The following BMP6 variants were observed in gnomAD, a reference collection of about 807,000 sequenced individuals.
BMP6 encodes the protein VG-1-R.
In BMP6, 17 loss-of-function variants were observed where a neutral mutation model predicts 54.1. The ratio of observed to expected loss-of-function variants is 0.31; its 90% CI spans 0.22 to 0.47. BMP6 has a LOEUF of 0.47. BMP6 is among the 20% of genes least tolerant of loss of function. The probability of loss-of-function intolerance (pLI) is 1.00; values close to 1 mark genes in which losing one functional copy is unlikely to be tolerated. For synonymous variants in BMP6, 328 were observed against 291.2 expected (o/e 1.13, Z -1.28); for missense variants, 720 against 690.4 (o/e 1.04, Z -0.48).
At chr6:7,789,951 C>G (rs1180527948) in intron 1 of BMP6, among the ~76,000 whole-genome samples, 1 of 152,082 alleles carries the variant, frequency 6.6e-6, no homozygotes, top group Non-Finnish European at 1.5e-5. Context: ...AAATGACCAA[C>G]TCAGCCTGAT....
At chr6:7,746,160 A>G (rs1581230583) in intron 1 of BMP6, among the ~76,000 whole-genome samples, 1 of 152,298 alleles carries the variant, frequency 6.6e-6, no homozygotes, top group Admixed American at 6.5e-5. Flanking sequence ...GAGCCCTGAG[A>G]GGTCCGAGGT....
At chr6:7,828,963 G>A (rs2113233305) in intron 1 of BMP6, among the ~76,000 whole-genome samples, 1 of 152,328 alleles carries the variant, frequency 6.6e-6, no homozygotes, top group Non-Finnish European at 1.5e-5. Flanking sequence ...GCTTGGCACA[G>A]TGGTGCTGTG....
At chr6:7,785,508 C>T (rs532882374) in intron 1 of BMP6, among the ~76,000 whole-genome samples, 2 of 152,298 alleles carry the variant, frequency 1.3e-5, no homozygotes, top group South Asian at 4.1e-4. Context: ...CTGGGAAAGG[C>T]GTCCTTCACT....
intron 1 of BMP6, among the ~76,000 whole-genome samples, chr6:7,825,632 G>A (rs1458978782): frequency 6.6e-6 from 1 of 151,800 alleles, no homozygotes; most frequent in Non-Finnish European, 1.5e-5. Flanking sequence ...AGGCAGGAGA[G>A]CCACTTGAAC....
At chr6:7,871,029 C>T (rs1023648521) in intron 4 of BMP6, among the ~76,000 whole-genome samples, 12 of 152,180 alleles carry the variant, frequency 7.9e-5, no homozygotes, top group Non-Finnish European at 1.8e-4. Flanking sequence ...GAGAGGAAAC[C>T]CATTTACATC....
intron 1 of BMP6, among the ~76,000 whole-genome samples, chr6:7,777,133 C>T (rs1279309287): frequency 1.8e-4 from 27 of 152,322 alleles, no homozygotes; most frequent in Non-Finnish European, 1.5e-5. Context: ...CATGATCTAG[C>T]AAGGATATCT....
intron 1 of BMP6, among the ~76,000 whole-genome samples, chr6:7,758,681 G>A (rs1394206600): frequency 6.6e-6 from 1 of 152,166 alleles, no homozygotes; most frequent in Non-Finnish European, 1.5e-5. Flanking sequence ...CATAGAAGGC[G>A]GCTTGCCAAG....
At chr6:7,768,156 T>C (rs1757720688) in intron 1 of BMP6, among the ~76,000 whole-genome samples, 1 of 152,178 alleles carries the variant, frequency 6.6e-6, no homozygotes, top group Non-Finnish European at 1.5e-5. Context: ...GGGCAGGCCT[T>C]GTTAAGAAGA....
At chr6:7,820,508 C>G (rs1439227660) in intron 1 of BMP6, among the ~76,000 whole-genome samples, 1 of 152,166 alleles carries the variant, frequency 6.6e-6, no homozygotes, top group Non-Finnish European at 1.5e-5. Context: ...AAAGGGAGTT[C>G]TGCCTGGGGA....
At chr6:7,839,441 TG>T (rs1758929150) in intron 1 of BMP6, among the ~76,000 whole-genome samples, 1 of 152,262 alleles carries the variant, frequency 6.6e-6, no homozygotes, top group Non-Finnish European at 1.5e-5. Context: ...GCTGACTATT[TG>T]GGTACTTACT....
chr6:7,845,274 T>G lies in BMP6; in HGVS notation c.799T>G (p.Phe267Val), dbSNP rs1759044117. The change falls in exon 2 of 7, where the codon TTT (phenylalanine) becomes GTT (valine). Residue 267 changes from phenylalanine (F) to valine (V), a missense_variant. By Grantham distance (50) the Phe-to-Val change is conservative. Around this residue, in one of 3 missense-constraint regions of BMP6, gnomAD observed 650 missense variants for 556.3 expected, o/e 1.17. Coordinates refer to ENST00000283147, the MANE Select transcript of BMP6 (RefSeq NM_001718.6). ...CTACAAGGACTGTGTTATGGGGAGT[T>G]TTAAAAACCAAACTTTTCTTATCAG... ...RIYKDCVMGS[F>V]KNQTFLISIY... 3.1e-6 allele frequency: 5 copies of G among 1,614,010 alleles called. No homozygotes were observed. The South Asian group carries it at 4.4e-5, about 14-fold the overall frequency.
chr6:7,781,646 C>G (rs931883942), intron 1 of BMP6, among the ~76,000 whole-genome samples: 1 of 151,482 alleles, frequency 6.6e-6, no homozygotes, highest in African/African-American at 2.4e-5. Context: ...GAACTATGCC[C>G]AGTGATACAC....
intron 1 of BMP6, among the ~76,000 whole-genome samples, chr6:7,822,756 A>G (rs942568249): frequency 2.0e-5 from 3 of 152,156 alleles, no homozygotes; most frequent in African/African-American, 7.2e-5. Context: ...CAAAAGGGTG[A>G]TGAGACTTTC....
intron 1 of BMP6, among the ~76,000 whole-genome samples, chr6:7,830,544 A>G (rs1482235565): frequency 6.6e-6 from 1 of 152,170 alleles, no homozygotes; most frequent in Admixed American, 6.5e-5. Flanking sequence ...CTGAGGAATC[A>G]ATGGCTGAGA....
intron 2 of BMP6, among the ~76,000 whole-genome samples, chr6:7,847,293 G>A (rs1383558257): frequency 6.6e-6 from 1 of 152,204 alleles, no homozygotes; most frequent in Non-Finnish European, 1.5e-5. Context: ...GGGAAATTCT[G>A]GGAGAACTGG....
At chr6:7,823,914 G>A (rs188155607) in intron 1 of BMP6, among the ~76,000 whole-genome samples, 3 of 152,340 alleles carry the variant, frequency 2.0e-5, no homozygotes, top group Non-Finnish European at 4.4e-5. Context: ...GCTCTGAGGA[G>A]GAGGACTTTT....
intron 1 of BMP6, among the ~76,000 whole-genome samples, chr6:7,742,162 G>T (rs925832075): frequency 1.3e-5 from 2 of 152,202 alleles, no homozygotes; most frequent in African/African-American, 4.8e-5. Flanking sequence ...AGGGAAAAGA[G>T]AAGTTACCTT....
intron 1 of BMP6, among the ~76,000 whole-genome samples, chr6:7,772,317 A>G (rs764330752): frequency 6.6e-6 from 1 of 152,232 alleles, no homozygotes; most frequent in Non-Finnish European, 1.5e-5. Flanking sequence ...GCTTTCTCAC[A>G]TACAGAATTA....
At chr6:7,801,653 A>T (rs756881925) in intron 1 of BMP6, among the ~76,000 whole-genome samples, 3 of 152,124 alleles carry the variant, frequency 2.0e-5, no homozygotes, top group Non-Finnish European at 4.4e-5. Flanking sequence ...ATTTCCCACC[A>T]CTTTTCCCTC....
Sources: gnomAD v4.1 joint callset for allele counts (sites outside exome capture counted in the v4.1 genomes callset) on GRCh38, gnomAD v4.1.1 for gene constraint, gnomAD v4.1.1 regional missense constraint, MANE v1.5 for transcripts, NCBI Gene and HGNC (gene_info 2026-07-23, HGNC 2026-07-21) for gene names.